The following MAP3K20 variants were observed in gnomAD, a reference collection of about 807,000 sequenced individuals.
MAP3K20 encodes the protein HCCS-4.
In MAP3K20, 40 loss-of-function variants were observed where a neutral mutation model predicts 85.7. The observed-to-expected ratio is 0.47, with a 90% CI of 0.36 to 0.61. The LOEUF is 0.61. Among genes scored for constraint, MAP3K20 ranks in the 20% least tolerant of loss-of-function variants. The pLI, the probability that MAP3K20 is intolerant of heterozygous loss-of-function variation, is 0.00. For synonymous variants in MAP3K20, 325 were observed against 327.7 expected (o/e 0.99, Z 0.09); for missense variants, 817 against 961.7 (o/e 0.85, Z 1.99).
intron 8 of MAP3K20, 26 bp from the exon 9 acceptor site, chr2:173,203,765 ATTTTG>A (rs771511725): frequency 1.6e-5 from 25 of 1,534,400 alleles, no homozygotes; most frequent in Non-Finnish European, 2.2e-5. Context: ...TCCCTGTTTT[ATTTTG>A]TTTTGTTTCC....
intron 16 of MAP3K20, among the ~76,000 whole-genome samples, chr2:173,256,907 T>G (rs1685174880): frequency 6.6e-6 from 1 of 151,994 alleles, no homozygotes; most frequent in Admixed American, 6.5e-5. Context: ...ATCCCAGCAC[T>G]TTGGGAGGCT....
At chr2:173,265,511 G>A (rs997579945) in intron 19 of MAP3K20, among the ~76,000 whole-genome samples, 21 of 152,268 alleles carry the variant, frequency 1.4e-4, no homozygotes, top group African/African-American at 5.1e-4. Context: ...ACAATCTCTA[G>A]CTGTCTCAAC....
chr2:173,162,714 G>C (rs2106241618), intron 2 of MAP3K20, among the ~76,000 whole-genome samples: 1 of 151,654 alleles, frequency 6.6e-6, no homozygotes, highest in Non-Finnish European at 1.5e-5. Flanking sequence ...AAATTGGTGA[G>C]GACCTTAGAG....
intron 16 of MAP3K20, among the ~76,000 whole-genome samples, chr2:173,257,157 C>A (rs537323622): frequency 1.3e-5 from 2 of 152,112 alleles, no homozygotes; most frequent in East Asian, 3.9e-4. Context: ...GAGCAAGACC[C>A]TGTCTCAAAA....
chr2:173,203,879 A>G lies in MAP3K20; in HGVS notation c.744+9A>G, dbSNP rs148211031. On this transcript the variant is annotated intron_variant, in intron 9 of 19. Coordinates refer to ENST00000375213, the MANE Select transcript of MAP3K20 (RefSeq NM_016653.3). ...GGGAAGCTGATGCCAAGGTATACATATGTATTTTTGTTATTGTTTAGAATT... is the reference window on the plus strand; with the variant it reads ...GGGAAGCTGATGCCAAGGTATACATGTGTATTTTTGTTATTGTTTAGAATT... The G allele has an allele frequency of 2.9e-4, 472 of 1,612,006 alleles. No individual in the cohort carries two copies. The African/African-American group carries it at 5.9e-3, about 20-fold the overall frequency.
chr2:173,219,462 C>T (rs1033814322), intron 11 of MAP3K20, among the ~76,000 whole-genome samples: 1 of 152,092 alleles, frequency 6.6e-6, no homozygotes, highest in Non-Finnish European at 1.5e-5. Flanking sequence ...ATCTGAGACA[C>T]ATTTATAGAG....
chr2:173,151,878 G>A (rs1028088454), intron 2 of MAP3K20, among the ~76,000 whole-genome samples: 4 of 152,176 alleles, frequency 2.6e-5, no homozygotes, highest in Non-Finnish European at 5.9e-5. Context: ...TGCTCCATAG[G>A]TGTCAGCTAT....
At chr2:173,242,865 C>T (rs892444106) in intron 16 of MAP3K20, among the ~76,000 whole-genome samples, 3 of 152,004 alleles carry the variant, frequency 2.0e-5, no homozygotes, top group African/African-American at 4.8e-5. Context: ...CACCACCACA[C>T]CCGGCTAATT....
chr2:173,157,405 C>T (rs961612589), intron 2 of MAP3K20, among the ~76,000 whole-genome samples: 1 of 151,098 alleles, frequency 6.6e-6, no homozygotes, highest in South Asian at 2.1e-4. Flanking sequence ...TTTGTGCTGA[C>T]AGAACCCCAA....
At chr2:173,131,942 A>C (rs986055031) in intron 2 of MAP3K20, among the ~76,000 whole-genome samples, 2 of 152,160 alleles carry the variant, frequency 1.3e-5, no homozygotes, top group African/African-American at 4.8e-5. Flanking sequence ...AGACATTCCT[A>C]ATTTCATCCC....
chr2:173,142,993 C>T (rs1689021630), intron 2 of MAP3K20, among the ~76,000 whole-genome samples: 1 of 152,098 alleles, frequency 6.6e-6, no homozygotes. Context: ...CACCATCGCA[C>T]TCCAGCCTGG....
intron 11 of MAP3K20, chr2:173,224,994 T>G (rs927254890): frequency 3.1e-6 from 3 of 983,604 alleles, no homozygotes; most frequent in Non-Finnish European, 3.6e-6. Flanking sequence ...AAAGAAACAG[T>G]GAGAAATGTA....
intron 14 of MAP3K20, among the ~76,000 whole-genome samples, chr2:173,233,188 A>G (rs532624112): frequency 6.6e-6 from 1 of 152,308 alleles, no homozygotes; most frequent in African/African-American, 2.4e-5. Context: ...AATTCTAGAG[A>G]GGACAAAAAT....
chr2:173,217,079 G>A (rs764550836), intron 10 of MAP3K20, 36 bp from the exon 11 acceptor site: 3 of 1,435,076 alleles, frequency 2.1e-6, no homozygotes, highest in East Asian at 2.6e-5. Flanking sequence ...TGTCTCTTAA[G>A]TAAAGTTGAG....
chr2:173,185,223 C>T (rs1015395900), intron 4 of MAP3K20, among the ~76,000 whole-genome samples: 2 of 151,760 alleles, frequency 1.3e-5, no homozygotes, highest in Admixed American at 6.6e-5. Context: ...CCTGGGCGAC[C>T]GAGTGAGACT....
At chr2:173,171,802 A>C (rs918763937) in intron 3 of MAP3K20, among the ~76,000 whole-genome samples, 1 of 152,336 alleles carries the variant, frequency 6.6e-6, no homozygotes, top group East Asian at 1.9e-4. Flanking sequence ...CTGGCTTTAC[A>C]TTGTTTAGTT....
At chr2:173,109,532 C>G (rs1687882031) in intron 2 of MAP3K20, among the ~76,000 whole-genome samples, 2 of 151,954 alleles carry the variant, frequency 1.3e-5, no homozygotes, top group Non-Finnish European at 2.9e-5. Flanking sequence ...AATGTCTACC[C>G]ACAGATATTT....
At chr2:173,241,812 T>C (rs1044999234) in intron 16 of MAP3K20, among the ~76,000 whole-genome samples, 3 of 152,130 alleles carry the variant, frequency 2.0e-5, no homozygotes, top group Non-Finnish European at 4.4e-5. Flanking sequence ...TTTGGTTGAG[T>C]GAGAGCTGCT....
At chr2:173,221,726 G>A in intron 11 of MAP3K20, 2 of 1,296,028 alleles carry the variant, frequency 1.5e-6, no homozygotes, top group Non-Finnish European at 2.0e-6. Context: ...GGAGAATTAA[G>A]CCAAAGAAGT....
Sources: gnomAD v4.1 joint callset for allele counts (sites outside exome capture counted in the v4.1 genomes callset) on GRCh38, gnomAD v4.1.1 for gene constraint, MANE v1.5 for transcripts, NCBI Gene and HGNC (gene_info 2026-07-23, HGNC 2026-07-21) for gene names.